The following FARP1 variants were observed in gnomAD, a reference collection of about 807,000 sequenced individuals.
FARP1 encodes the protein FERM, ARHGEF and pleckstrin domain-containing protein 1.
FARP1 carries 52 observed loss-of-function variants against 128.8 expected under a neutral mutation model. The ratio of observed to expected loss-of-function variants is 0.40; its 90% CI spans 0.32 to 0.51. The LOEUF is 0.51. Ranked by LOEUF, FARP1 falls within the 20% of genes least tolerant of loss-of-function variation. The probability of loss-of-function intolerance (pLI) is 0.45; values close to 1 mark genes in which losing one functional copy is unlikely to be tolerated. For missense variants in FARP1, 1,333 were observed against 1,367.9 expected (o/e 0.97, Z 0.40); for synonymous variants, 580 against 551.8 (o/e 1.05, Z -0.72).
At chr13:98,314,274 C>CTTTTTTTTTTTTTTTTTTTT in intron 2 of FARP1, among the ~76,000 whole-genome samples, 1 of 59,988 alleles carries the variant, frequency 1.7e-5, no homozygotes, top group Non-Finnish European at 2.9e-5. Context: ...TATTTTATGT[C>CTTTTTTTTTTTTTTTTTTTT]TTTTTTTTTT....
At chr13:98,421,292 A>ACT (rs1272159686) in intron 16 of FARP1, among the ~76,000 whole-genome samples, 1 of 152,212 alleles carries the variant, frequency 6.6e-6, no homozygotes, top group African/African-American at 2.4e-5. Context: ...GAGAAAGTGA[A>ACT]ATAGATGACA....
At chr13:98,321,394 C>T (rs556785512) in intron 2 of FARP1, among the ~76,000 whole-genome samples, 83 of 152,274 alleles carry the variant, frequency 5.5e-4, no homozygotes, top group African/African-American at 1.8e-3. Context: ...GTTAAACCCA[C>T]GCTTAGACAA....
In FARP1 at chr13:98,424,658, G is replaced by C; in HGVS notation, c.1905+8G>C. On this transcript the variant is annotated splice_region_variant and intron_variant, in intron 17 of 26. Coordinates refer to ENST00000319562, the MANE Select transcript of FARP1 (RefSeq NM_005766.4). Reference sequence around the variant, plus strand: ...AACATTCAGGGCATGAAGGTGAGCTGGTTGAGATTTGGGTGGAGCAAGGTT... The same window carrying C: ...AACATTCAGGGCATGAAGGTGAGCTCGTTGAGATTTGGGTGGAGCAAGGTT... 6.2e-7 allele frequency: 1 copy of C among 1,603,408 alleles called. No individual in the cohort carries two copies. The highest frequency in any genetic ancestry group is 8.5e-7 in the Non-Finnish European group (1 of 1,170,238).
intron 13 of FARP1, among the ~76,000 whole-genome samples, chr13:98,407,798 C>T (rs1891039140): frequency 6.6e-6 from 1 of 152,130 alleles, no homozygotes; most frequent in African/African-American, 2.4e-5. Flanking sequence ...CAACCTGGCA[C>T]CAAGGGTGGG....
chr13:98,446,911 C>G, intron 26 of FARP1, 94 bp downstream of exon 26: 1 of 1,335,498 alleles, frequency 7.5e-7, no homozygotes, highest in East Asian at 2.3e-5. Context: ...TGAGATGGCC[C>G]CACCCTTCCC....
intron 2 of FARP1, among the ~76,000 whole-genome samples, chr13:98,263,575 C>A (rs1883974169): frequency 6.6e-6 from 1 of 152,112 alleles, no homozygotes; most frequent in African/African-American, 2.4e-5. Flanking sequence ...AAATAAAAAT[C>A]ATCCATGATC....
chr13:98,277,715 C>T lies in FARP1; in HGVS notation c.171+64302C>T, dbSNP rs1027107545. Reference sequence around the variant, plus strand: ...GTTCCCTGGGCTTGTTTTATGCATGCGGCGCCTGTTTCAGGTTCTCAAGAA... The same window carrying T: ...GTTCCCTGGGCTTGTTTTATGCATGTGGCGCCTGTTTCAGGTTCTCAAGAA... On this transcript the variant is annotated intron_variant, in intron 2 of 26. Coordinates refer to ENST00000319562, the MANE Select transcript of FARP1 (RefSeq NM_005766.4). Among the ~76,000 whole-genome samples, 69 of 152,226 alleles carry T rather than the reference C, an allele frequency of 4.5e-4. 1 individual carries two copies. The highest frequency in any genetic ancestry group is 1.6e-3 in the African/African-American group (66 of 41,514).
chr13:98,334,086 T>C (rs1887637410), intron 2 of FARP1: 1 of 143,934 alleles, frequency 6.9e-6, no homozygotes, highest in Admixed American at 6.9e-5. Flanking sequence ...GGTTCAATCT[T>C]TACGTCCATT....
chr13:98,226,032 A>G (rs966239765), intron 2 of FARP1, among the ~76,000 whole-genome samples: 1 of 152,112 alleles, frequency 6.6e-6, no homozygotes, highest in African/African-American at 2.4e-5. Context: ...CCATTCCTTA[A>G]TGACTTAAGT....
chr13:98,436,079 G>C (rs1892256922), intron 19 of FARP1: 1 of 288,746 alleles, frequency 3.5e-6, no homozygotes, highest in Non-Finnish European at 7.1e-6. Flanking sequence ...GAAAGGTAGT[G>C]CATTAAATTA....
chr13:98,379,415 A>C (rs1889802647), intron 6 of FARP1, among the ~76,000 whole-genome samples: 1 of 150,900 alleles, frequency 6.6e-6, no homozygotes, highest in South Asian at 2.1e-4. Context: ...GAGGGAGAGG[A>C]GGGAGAGGAG....
Position 98,448,392 on chromosome 13 carries a change from G to T in FARP1, c.*75G>T. On this transcript the variant is annotated 3_prime_UTR_variant, in exon 27 of 27. Transcript: ENST00000319562. Reference sequence around the variant, plus strand: ...CCTTTCTTCTGTATTAATGAAGCCTGGTAAAATTAACACCTGTCTGAAAAT... The same window carrying T: ...CCTTTCTTCTGTATTAATGAAGCCTTGTAAAATTAACACCTGTCTGAAAAT... The T allele has an allele frequency of 8.5e-7, 1 of 1,179,682 alleles. No homozygotes were observed. The highest frequency in any genetic ancestry group is 1.3e-6 in the Non-Finnish European group (1 of 788,140). The allele number at this position is 1,179,682 out of a possible 1,614,324, so 73.1% of individuals were successfully genotyped here.
At chr13:98,270,710 T>G (rs1168031278) in intron 2 of FARP1, among the ~76,000 whole-genome samples, 1 of 152,232 alleles carries the variant, frequency 6.6e-6, no homozygotes, top group Non-Finnish European at 1.5e-5. Context: ...TAACTCATCC[T>G]GCACATGGCT....
intron 2 of FARP1, among the ~76,000 whole-genome samples, chr13:98,267,672 G>A (rs968939138): frequency 2.0e-5 from 3 of 152,198 alleles, no homozygotes; most frequent in African/African-American, 4.8e-5. Flanking sequence ...ACAGAAACAC[G>A]ACGGGAATCC....
At chr13:98,215,498 T>C (rs1820954820) in intron 2 of FARP1, among the ~76,000 whole-genome samples, 1 of 152,164 alleles carries the variant, frequency 6.6e-6, no homozygotes, top group African/African-American at 2.4e-5. Flanking sequence ...ATCGATAAAA[T>C]GAGGCTAATA....
intron 1 of FARP1, among the ~76,000 whole-genome samples, chr13:98,195,960 A>G (rs1222416514): frequency 2.0e-5 from 3 of 152,148 alleles, no homozygotes; most frequent in Non-Finnish European, 4.4e-5. Flanking sequence ...TGGGAGTTGG[A>G]GGCTGCAGTG....
rs760364411 is a variant in FARP1 at position 98,440,841 on chromosome 13, G to A, written c.2796+5G>A. 1.8e-5 allele frequency: 28 copies of A among 1,592,334 alleles called. No individual in the cohort carries two copies. The East Asian group carries it at 2.7e-4, about 16-fold the overall frequency. ...GACTTCAGCATCGCAGTGGAGGTAC[G>A]CAGGGGCAGGGCAGCTCTGGTTCCC... On this transcript the variant is annotated splice_donor_5th_base_variant and intron_variant, in intron 24 of 26. Coordinates refer to ENST00000319562, the MANE Select transcript of FARP1 (RefSeq NM_005766.4).
chr13:98,233,287 T>G (rs1366847576), intron 2 of FARP1, among the ~76,000 whole-genome samples: 1 of 152,250 alleles, frequency 6.6e-6, no homozygotes, highest in Non-Finnish European at 1.5e-5. Context: ...ACCCTGTTAC[T>G]GATGAATGCT....
Position 98,384,804 on chromosome 13 carries a change from G to T in FARP1, c.571G>T (p.Ala191Ser), listed in dbSNP as rs774942512. 1.9e-6 allele frequency: 3 copies of T among 1,613,400 alleles called. No homozygotes were observed. Among genetic ancestry groups the T allele is most frequent in the South Asian group, 1.1e-5 (1 of 91,054 alleles). The change falls in exon 7 of 27, where the codon GCA becomes TCA. Residue 191 changes from alanine (A) to serine (S), a missense_variant. Transcript: ENST00000319562. ...AAATAAATACATACCTCAGCAAGAC[G>T]CACTAGAGGACAAAATCGTGGAATT... Reference protein sequence around the residue: ...AKNKYIPQQDALEDKIVEFHH... With the variant: ...AKNKYIPQQDSLEDKIVEFHH...
Sources: gnomAD v4.1 joint callset for allele counts (sites outside exome capture counted in the v4.1 genomes callset) on GRCh38, gnomAD v4.1.1 for gene constraint, MANE v1.5 for transcripts, NCBI Gene and HGNC (gene_info 2026-07-23, HGNC 2026-07-21) for gene names.